PLCB1: variants seen among roughly 807,000 people sequenced by gnomAD.
PLCB1 encodes the protein phospholipase C beta 1.
In PLCB1, 46 loss-of-function variants were observed where a neutral mutation model predicts 161.8. The ratio of observed to expected loss-of-function variants is 0.28; its 90% CI spans 0.22 to 0.36. PLCB1 has a LOEUF of 0.36. Ranked by LOEUF, PLCB1 falls within the 10% of genes least tolerant of loss-of-function variation. PLCB1 has a pLI of 1.00. For missense variants in PLCB1, 1,016 were observed against 1,472.5 expected (o/e 0.69, Z 5.07); for synonymous variants, 517 against 503.7 (o/e 1.03, Z -0.35).
chr20:8,679,343 C>A (rs2123383178), intron 9 of PLCB1, among the ~76,000 whole-genome samples: 1 of 152,344 alleles, frequency 6.6e-6, no homozygotes, highest in South Asian at 2.1e-4. Flanking sequence ...CTAGACCATT[C>A]TTCCTTTCTG....
Position 8,647,826 on chromosome 20 carries a change from A to G in PLCB1, c.465-74A>G. The G allele has an allele frequency of 2.7e-6, 3 of 1,130,052 alleles. No individual in the cohort carries two copies. In the South Asian group the frequency reaches 3.8e-5, roughly 14 times the overall value. The allele number at this position is 1,130,052 out of a possible 1,614,324, so 70.0% of individuals were successfully genotyped here. A position where few individuals can be genotyped will look rare whatever the true frequency, so the allele number is the denominator to read the frequency against. On this transcript the variant is annotated intron_variant, in intron 5 of 31. Transcript: ENST00000338037. ...ATGTACAAAGGCATGGGCTTTTTTG[A>G]GTGTATTTTATTGTTCAAGAAAAAA...
At chr20:8,426,148 CG>C (rs571384524) in intron 3 of PLCB1, among the ~76,000 whole-genome samples, 181 of 152,274 alleles carry the variant, frequency 1.2e-3, no homozygotes, top group African/African-American at 4.2e-3. Context: ...TTTCCTGAAA[CG>C]TGGAAGGATG....
chr20:8,711,756 G>C (rs1979030028), intron 12 of PLCB1, among the ~76,000 whole-genome samples: 2 of 152,086 alleles, frequency 1.3e-5, no homozygotes, highest in South Asian at 4.1e-4. Flanking sequence ...TGCTTGACTT[G>C]TGAGCCACTT....
At chr20:8,241,761 CT>C (rs1302429660) in intron 2 of PLCB1, among the ~76,000 whole-genome samples, 1 of 151,970 alleles carries the variant, frequency 6.6e-6, no homozygotes, top group Non-Finnish European at 1.5e-5. Flanking sequence ...TTCTACCACC[CT>C]TCCTCCCACC....
chr20:8,496,953 T>C (rs1392277124), intron 3 of PLCB1, among the ~76,000 whole-genome samples: 1 of 152,206 alleles, frequency 6.6e-6, no homozygotes. Flanking sequence ...AGTACAGGAC[T>C]TGTATAAAGA....
chr20:8,378,855 CA>C (rs1987174504), intron 3 of PLCB1, among the ~76,000 whole-genome samples: 4 of 152,206 alleles, frequency 2.6e-5, no homozygotes, highest in Admixed American at 2.0e-4. Flanking sequence ...CAACACTGTT[CA>C]GTGTATCTTC....
chr20:8,340,715 C>T (rs1034896002), intron 2 of PLCB1, among the ~76,000 whole-genome samples: 1 of 152,174 alleles, frequency 6.6e-6, no homozygotes, highest in Non-Finnish European at 1.5e-5. Context: ...TGAGCCACCG[C>T]GCCCGGCCAA....
At chr20:8,380,666 C>G (rs148936645) in intron 3 of PLCB1, among the ~76,000 whole-genome samples, 2 of 152,052 alleles carry the variant, frequency 1.3e-5, no homozygotes, top group East Asian at 3.9e-4. Context: ...TCACATCCCT[C>G]GTTAGCTGTA....
intron 3 of PLCB1, among the ~76,000 whole-genome samples, chr20:8,604,883 T>A (rs1987709148): frequency 6.6e-6 from 1 of 152,154 alleles, no homozygotes; most frequent in African/African-American, 2.4e-5. Context: ...TGTTGTCCTT[T>A]CTGGGTAGAG....
intron 3 of PLCB1, among the ~76,000 whole-genome samples, chr20:8,543,041 G>T (rs1039046654): frequency 6.6e-6 from 1 of 152,164 alleles, no homozygotes; most frequent in African/African-American, 2.4e-5. Flanking sequence ...GGTGATAAAT[G>T]CTCTAGCACC....
chr20:8,590,482 A>G (rs1371425393), intron 3 of PLCB1, among the ~76,000 whole-genome samples: 1 of 151,690 alleles, frequency 6.6e-6, no homozygotes, highest in African/African-American at 2.4e-5. Flanking sequence ...TGCTATTTCT[A>G]TTGCTGCTGT....
chr20:8,508,360 A>G (rs918358084), intron 3 of PLCB1, among the ~76,000 whole-genome samples: 3 of 152,154 alleles, frequency 2.0e-5, no homozygotes, highest in Non-Finnish European at 4.4e-5. Flanking sequence ...TAACTTTTTG[A>G]AACAACAAGA....
Position 8,294,969 on chromosome 20 carries a change from A to G in PLCB1, c.178-76413A>G, listed in dbSNP as rs1360063643. 2.0e-5 allele frequency among the ~76,000 whole-genome samples: 3 copies of G among 152,136 alleles called. No homozygotes were observed. The East Asian group carries it at 5.8e-4, about 29-fold the overall frequency. On this transcript the variant is annotated intron_variant, in intron 2 of 31. Coordinates refer to ENST00000338037, the MANE Select transcript of PLCB1 (RefSeq NM_015192.4). The stretch of plus-strand genomic sequence containing the variant: ...ATGAACTACTGCTACATGCAGCAAC[A>G]TCTTGAAATCTTAGAAATATAAGCC...
At position 8,649,360 on chromosome 20, in the gene PLCB1, T is replaced by C. The variant is rs896154135; in HGVS notation, c.519-14T>C. On this transcript the variant is annotated splice_polypyrimidine_tract_variant and intron_variant, in intron 6 of 31. Transcript: ENST00000338037. ...CCATTTAAACCTCTCTCCTTTGTTG[T>C]GTTCACTTCACAGCATATATCGCTT... The C allele has an allele frequency of 5.0e-6, 8 of 1,604,758 alleles. No individual in the cohort carries two copies. Among genetic ancestry groups the C allele is most frequent in the Admixed American group, 3.3e-5 (2 of 59,982 alleles).
intron 2 of PLCB1, among the ~76,000 whole-genome samples, chr20:8,342,531 A>G (rs757959208): frequency 3.3e-5 from 5 of 152,162 alleles, no homozygotes; most frequent in Non-Finnish European, 7.3e-5. Context: ...GTTCAGTTCC[A>G]TCTCCAGGAT....
chr20:8,694,565 A>T (rs2123421138), intron 10 of PLCB1, among the ~76,000 whole-genome samples: 1 of 152,348 alleles, frequency 6.6e-6, no homozygotes, highest in East Asian at 1.9e-4. Flanking sequence ...AAATATTCAC[A>T]AGAAAATCTA....
intron 3 of PLCB1, among the ~76,000 whole-genome samples, chr20:8,519,119 G>T (rs867023725): frequency 2.0e-5 from 3 of 152,002 alleles, no homozygotes; most frequent in Non-Finnish European, 4.4e-5. Context: ...GACTGATAGC[G>T]GTCCATGGCT....
chr20:8,765,034 A>G, intron 25 of PLCB1, 105 bp from the exon 26 acceptor site: 1 of 846,908 alleles, frequency 1.2e-6, no homozygotes. Flanking sequence ...CTTAAACTCT[A>G]GCTGGGCAAG....
chr20:8,823,940 A>G (rs1202813478), intron 31 of PLCB1, among the ~76,000 whole-genome samples: 1 of 144,726 alleles, frequency 6.9e-6, no homozygotes, highest in Non-Finnish European at 1.5e-5. Context: ...CTTAACATTT[A>G]CTCCTGGTTC....
Sources: allele counts gnomAD v4.1 joint callset (sites outside exome capture counted in the v4.1 genomes callset), GRCh38; gene constraint gnomAD v4.1.1; transcripts MANE v1.5; gene names NCBI Gene and HGNC (gene_info 2026-07-23, HGNC 2026-07-21).